The following ATP2C1 variants were observed in gnomAD, a reference collection of about 807,000 sequenced individuals.
The protein encoded by ATP2C1 is calcium-transporting ATPase type 2C member 1.
Under a neutral mutation model 120.5 loss-of-function variants are expected in ATP2C1, and 31 were observed. That is an observed-to-expected ratio of 0.26 (90% CI 0.19 to 0.35). The LOEUF is 0.35. Among genes scored for constraint, ATP2C1 ranks in the 10% least tolerant of loss-of-function variants. ATP2C1 has a pLI of 1.00. For synonymous variants in ATP2C1, 351 were observed against 358.7 expected, an observed-to-expected ratio of 0.98 and a Z score of 0.24; for missense variants, 731 against 1,107.5, an observed-to-expected ratio of 0.66 and a Z score of 4.83.
chr3:130,922,626 C>G (rs1194253002), intron 2 of ATP2C1, among the ~76,000 whole-genome samples: 1 of 152,140 alleles, frequency 6.6e-6, no homozygotes, highest in Non-Finnish European at 1.5e-5. Context: ...TGCTTTTGCT[C>G]TGTCTCAGAG....
At chr3:130,962,852 G>A (rs903594936) in intron 12 of ATP2C1, 6 of 151,696 alleles carry the variant, frequency 4.0e-5, no homozygotes, top group African/African-American at 1.5e-4. Context: ...AGTGTGTATT[G>A]TTTAGCCAAT....
At chr3:130,921,439 TA>T (rs1382542525) in intron 2 of ATP2C1, among the ~76,000 whole-genome samples, 1 of 152,206 alleles carries the variant, frequency 6.6e-6, no homozygotes, top group East Asian at 1.9e-4. Flanking sequence ...TTTATTTTAT[TA>T]AGCATTTAAT....
At chr3:130,901,383 G>T (rs147408813) in intron 2 of ATP2C1, among the ~76,000 whole-genome samples, 64 of 152,178 alleles carry the variant, frequency 4.2e-4, no homozygotes, top group African/African-American at 1.3e-3. Context: ...GGCCAAGAGA[G>T]ATTAGTTACT....
At chr3:130,951,646 CT>C (rs2060372740) in intron 8 of ATP2C1, among the ~76,000 whole-genome samples, 1 of 152,124 alleles carries the variant, frequency 6.6e-6, no homozygotes, top group South Asian at 2.1e-4. Flanking sequence ...GAAAAATTCA[CT>C]TGCCTTTGAA....
chr3:130,989,975 G>T (rs1197330013), intron 20 of ATP2C1, among the ~76,000 whole-genome samples: 1 of 152,132 alleles, frequency 6.6e-6, no homozygotes, highest in Non-Finnish European at 1.5e-5. Context: ...TGAAAGAAAG[G>T]ATATTTCCCA....
At chr3:130,987,411 A>G (rs1011691398) in intron 20 of ATP2C1, among the ~76,000 whole-genome samples, 4 of 152,210 alleles carry the variant, frequency 2.6e-5, no homozygotes, top group African/African-American at 4.8e-5. Context: ...TCCTGGGTTC[A>G]GGTGATCTCC....
chr3:130,881,048 G>A (rs762459128), intron 1 of ATP2C1, among the ~76,000 whole-genome samples: 17 of 152,186 alleles, frequency 1.1e-4, no homozygotes, highest in Non-Finnish European at 2.4e-4. Context: ...TTGGAGGTAT[G>A]AGGAAATGCT....
chr3:130,925,059 A>C lies in ATP2C1; in HGVS notation c.7-5357A>C, dbSNP rs370378553. ...GATTAGCTTAATAATTGACCTTCTAAATTCTTTTTCTGGCAATTCAGAGAG... is the reference window on the plus strand; with the variant it reads ...GATTAGCTTAATAATTGACCTTCTACATTCTTTTTCTGGCAATTCAGAGAG... On this transcript the variant is annotated intron_variant, in intron 2 of 27. Coordinates refer to ENST00000510168, the MANE Select transcript of ATP2C1 (RefSeq NM_001378687.1). Among the ~76,000 whole-genome samples the C allele has an allele frequency of 5.9e-5, 9 of 152,092 alleles. No homozygotes were observed. In the South Asian group the frequency reaches 8.3e-4, roughly 14 times the overall value.
At chr3:130,981,432 A>G (rs1012998579) in intron 20 of ATP2C1, among the ~76,000 whole-genome samples, 1 of 152,130 alleles carries the variant, frequency 6.6e-6, no homozygotes, top group South Asian at 2.1e-4. Context: ...TTACCTATTC[A>G]CCAGTTAAAG....
intron 24 of ATP2C1, 110 bp from the exon 25 acceptor site, chr3:130,997,496 C>A: frequency 9.8e-7 from 1 of 1,024,936 alleles, no homozygotes; most frequent in Non-Finnish European, 1.5e-6. Context: ...CATTTTGTTT[C>A]TATAAGAAAG....
intron 12 of ATP2C1, among the ~76,000 whole-genome samples, chr3:130,959,766 T>C (rs1367340462): frequency 6.6e-6 from 1 of 152,032 alleles, no homozygotes; most frequent in Non-Finnish European, 1.5e-5. Context: ...ATCCATGAGA[T>C]AAATTGTTGT....
chr3:130,874,726 T>C (rs1426944829), intron 1 of ATP2C1, among the ~76,000 whole-genome samples: 1 of 152,204 alleles, frequency 6.6e-6, no homozygotes, highest in Non-Finnish European at 1.5e-5. Context: ...ATTCTTAGTA[T>C]TGTCTTTTCT....
chr3:131,016,041 T>C (rs932217093), intron 26 of ATP2C1: 2 of 1,274,846 alleles, frequency 1.6e-6, no homozygotes, highest in African/African-American at 2.4e-5. Flanking sequence ...TTTTTTGTTT[T>C]GGTTTTTTTT....
intron 6 of ATP2C1, among the ~76,000 whole-genome samples, chr3:130,938,212 CAA>C (rs1454578134): frequency 6.6e-6 from 1 of 152,140 alleles, no homozygotes; most frequent in African/African-American, 2.4e-5. Flanking sequence ...TAAGTACAGA[CAA>C]ATAAAAATGT....
Position 130,972,086 on chromosome 3 carries a change from C to T in ATP2C1, c.1413+2690C>T, listed in dbSNP as rs1431454580. 2.0e-5 allele frequency among the ~76,000 whole-genome samples: 3 copies of T among 152,284 alleles called. No homozygotes were observed. In the South Asian group the frequency reaches 6.2e-4, roughly 32 times the overall value. ...ATGGTTTTGCGATGACACTGGTCCA[C>T]CTCAGATCCTCAGGCATTAGATTCT... On this transcript the variant is annotated intron_variant, in intron 17 of 27. Transcript: ENST00000510168.
At chr3:130,987,636 G>T (rs1185130971) in intron 20 of ATP2C1, among the ~76,000 whole-genome samples, 1 of 152,192 alleles carries the variant, frequency 6.6e-6, no homozygotes, top group African/African-American at 2.4e-5. Context: ...CAGACAGTTT[G>T]CTGCTTTTGC....
chr3:130,921,139 G>C (rs911840171), intron 2 of ATP2C1, among the ~76,000 whole-genome samples: 4 of 149,796 alleles, frequency 2.7e-5, no homozygotes, highest in African/African-American at 9.9e-5. Context: ...TGGAGTGCAG[G>C]GGCACAGTCT....
At chr3:130,875,713 G>T (rs372867556) in intron 1 of ATP2C1, among the ~76,000 whole-genome samples, 4 of 152,072 alleles carry the variant, frequency 2.6e-5, no homozygotes, top group African/African-American at 9.7e-5. Flanking sequence ...TTTCCATAAC[G>T]GCTGTACAAA....
chr3:130,886,786 A>G (rs1222292032), intron 1 of ATP2C1, among the ~76,000 whole-genome samples: 1 of 152,196 alleles, frequency 6.6e-6, no homozygotes, highest in Non-Finnish European at 1.5e-5. Context: ...AAAAAGAGCT[A>G]TTTTGAATTC....
Sources: gnomAD v4.1 joint callset for allele counts (sites outside exome capture counted in the v4.1 genomes callset) on GRCh38, gnomAD v4.1.1 for gene constraint, MANE v1.5 for transcripts, NCBI Gene and HGNC (gene_info 2026-07-23, HGNC 2026-07-21) for gene names.